Variants in KCNMA1 observed in about 807,000 individuals in gnomAD.
KCNMA1 encodes Calcium-activated potassium channel subunit alpha-1.
Under a neutral mutation model 140.0 loss-of-function variants are expected in KCNMA1, and 29 were observed. That is an observed-to-expected ratio of 0.21 (90% CI 0.15 to 0.28). The LOEUF (loss-of-function observed/expected upper bound fraction) is 0.28, where lower values mean the gene tolerates loss of function less well. KCNMA1 is among the 10% of genes least tolerant of loss of function. The pLI is 1.00. For missense variants in KCNMA1, 880 were observed against 1,602.2 expected (o/e 0.55, Z 7.70); for synonymous variants, 612 against 611.9 (o/e 1.00, Z 0.00).
intron 2 of KCNMA1, among the ~76,000 whole-genome samples, chr10:77,382,980 GTGTGTGTGTGTGTGTATATATATATATA>G (rs2095465292): frequency 1.4e-5 from 1 of 73,002 alleles, no homozygotes; most frequent in Non-Finnish European, 2.3e-5. Context: ...GTGTGTGTGT[GTGTGTGTGTGTGTGTATATATATATATA>G]TATATATATA....
intron 1 of KCNMA1, among the ~76,000 whole-genome samples, chr10:77,597,393 G>GATA (rs778293685): frequency 3.9e-5 from 6 of 152,136 alleles, no homozygotes; most frequent in Non-Finnish European, 7.4e-5. Context: ...ACATAGAAAT[G>GATA]ATAAATACTC....
intron 2 of KCNMA1, among the ~76,000 whole-genome samples, chr10:77,328,358 G>A (rs2085009970): frequency 6.6e-6 from 1 of 152,178 alleles, no homozygotes; most frequent in African/African-American, 2.4e-5. Context: ...CAGAGGGCCA[G>A]TACTGTCAAG....
chr10:77,239,696 C>T (rs1462086709), intron 3 of KCNMA1, among the ~76,000 whole-genome samples: 3 of 152,182 alleles, frequency 2.0e-5, no homozygotes, highest in Non-Finnish European at 4.4e-5. Flanking sequence ...TCAGACGCTA[C>T]CTATCACTAA....
intron 18 of KCNMA1, among the ~76,000 whole-genome samples, chr10:77,009,123 G>C (rs755685665): frequency 7.2e-5 from 11 of 152,270 alleles, no homozygotes; most frequent in Non-Finnish European, 1.5e-4. Flanking sequence ...GCTGAGGTTG[G>C]GGGAGGAGGC....
intron 5 of KCNMA1, among the ~76,000 whole-genome samples, chr10:77,160,285 A>T (rs1266927482): frequency 1.3e-5 from 2 of 152,024 alleles, no homozygotes; most frequent in Non-Finnish European, 2.9e-5. Context: ...AAGGATGCAA[A>T]TTCCTCCCCC....
rs139765077 is a variant in KCNMA1 at position 77,464,580 on chromosome 10, A to G, written c.379-60557T>C. 1.5e-3 allele frequency among the ~76,000 whole-genome samples: 228 copies of G among 152,244 alleles called. 2 individuals carry two copies. Among genetic ancestry groups the G allele is most frequent in the African/African-American group, 5.4e-3 (223 of 41,532 alleles). ...TCTGGTGTTACCCATTGCCTTTGGG[A>G]CATTCAATATCACTACTGCACTTGA... On this transcript the variant is annotated intron_variant, in intron 1 of 27. Transcript: ENST00000286628.
rs1157644845 is a variant in KCNMA1, at chr10:77,001,422, T to G, written c.2251A>C (p.Thr751Pro). 2 of 1,551,646 alleles carry G rather than the reference T, an allele frequency of 1.3e-6. No individual in the cohort carries two copies. Among genetic ancestry groups the G allele is most frequent in the Admixed American group, 3.9e-5 (2 of 51,004 alleles). ...TTAAACTTACAGGCACGGAAACTGG[T>G]GGAGCAATCATTAACAGAGACAGAA... ...LSSVSVNDCS[T>P]SFRAFEDEQP... Residue 751 changes from threonine to proline, a missense_variant, in exon 19 of 28, where the codon ACC becomes CCC. Around this residue, in one of 13 missense-constraint regions of KCNMA1, gnomAD observed 196 missense variants for 233.0 expected, o/e 0.84. Coordinates refer to ENST00000286628, the MANE Select transcript of KCNMA1 (RefSeq NM_001161352.2).
At chr10:77,576,652 CA>C (rs2074223563) in intron 1 of KCNMA1, among the ~76,000 whole-genome samples, 1 of 152,190 alleles carries the variant, frequency 6.6e-6, no homozygotes, top group African/African-American at 2.4e-5. Flanking sequence ...CAAGAAAGCT[CA>C]CCATGGGATT....
intron 3 of KCNMA1, among the ~76,000 whole-genome samples, chr10:77,199,377 G>A (rs181538587): frequency 6.6e-6 from 1 of 152,222 alleles, no homozygotes; most frequent in East Asian, 1.9e-4. Flanking sequence ...TTTAATTTCT[G>A]GCAGCAGATA....
rs571405121 is a variant in KCNMA1 at position 76,999,990 on chromosome 10, T to G, written c.2266+1417A>C. ...CCCTGAGCCCTAGAGGCCTCATGGA[T>G]CCCGGCTACACAGCCGCACTCTGCT... On this transcript the variant is annotated intron_variant, in intron 19 of 27. Coordinates refer to ENST00000286628, the MANE Select transcript of KCNMA1 (RefSeq NM_001161352.2). 2.6e-4 allele frequency among the ~76,000 whole-genome samples: 39 copies of G among 152,246 alleles called. 2 individuals are homozygous for G. Among genetic ancestry groups the G allele is most frequent in the African/African-American group, 8.9e-4 (37 of 41,542 alleles).
chr10:77,342,780 G>A (rs756586944), intron 2 of KCNMA1, among the ~76,000 whole-genome samples: 4 of 152,186 alleles, frequency 2.6e-5, no homozygotes, highest in Admixed American at 2.0e-4. Context: ...ACTGTGATTG[G>A]GCCCATCACG....
At chr10:77,055,112 G>C (rs148023750) in intron 14 of KCNMA1, among the ~76,000 whole-genome samples, 2,590 of 152,272 alleles carry the variant, frequency 0.017, 74 homozygotes, top group African/African-American at 0.058. Flanking sequence ...AGATATCTGA[G>C]TTACTGGTTC....
At chr10:77,152,083 T>G (rs10509381) in intron 5 of KCNMA1, among the ~76,000 whole-genome samples, 2,754 of 152,246 alleles carry the variant, frequency 0.018, 100 homozygotes, top group African/African-American at 0.064. Context: ...ACTAATTTAT[T>G]TTTGCCTATG....
intron 23 of KCNMA1, among the ~76,000 whole-genome samples, chr10:76,935,743 G>A (rs1275945434): frequency 1.3e-5 from 2 of 152,192 alleles, no homozygotes; most frequent in Non-Finnish European, 2.9e-5. Context: ...CCCAAAATCT[G>A]CTTTCTGTCT....
intron 19 of KCNMA1, among the ~76,000 whole-genome samples, chr10:76,976,036 G>T (rs545964528): frequency 1.3e-5 from 2 of 152,222 alleles, no homozygotes; most frequent in East Asian, 3.9e-4. Context: ...ACATTATTCT[G>T]GCAGGATAAT....
At chr10:77,021,811 C>A (rs536100483) in intron 16 of KCNMA1, among the ~76,000 whole-genome samples, 1 of 152,214 alleles carries the variant, frequency 6.6e-6, no homozygotes, top group South Asian at 2.1e-4. Flanking sequence ...GCTAAGGCAG[C>A]CTTCTGGGTG....
At chr10:77,062,135 ATGAAAAACAC>A (rs1241113834) in intron 14 of KCNMA1, among the ~76,000 whole-genome samples, 1 of 152,220 alleles carries the variant, frequency 6.6e-6, no homozygotes, top group Admixed American at 6.5e-5. Context: ...AAAAAATAAA[ATGAAAAACAC>A]TTCTGGAAAA....
intron 1 of KCNMA1, among the ~76,000 whole-genome samples, chr10:77,428,655 G>A (rs1388712189): frequency 6.6e-6 from 1 of 152,082 alleles, no homozygotes; most frequent in Admixed American, 6.5e-5. Flanking sequence ...GTCTCTGTGG[G>A]TCAGCCTGTA....
At chr10:77,295,355 A>G (rs1445097903) in intron 2 of KCNMA1, among the ~76,000 whole-genome samples, 4 of 150,684 alleles carry the variant, frequency 2.7e-5, no homozygotes, top group Non-Finnish European at 4.5e-5. Flanking sequence ...CTCAAAAAAA[A>G]AAAAGAGAGT....
Sources: gnomAD v4.1 joint callset for allele counts (sites outside exome capture counted in the v4.1 genomes callset) on GRCh38, gnomAD v4.1.1 for gene constraint, gnomAD v4.1.1 regional missense constraint, MANE v1.5 for transcripts, NCBI Gene and HGNC (gene_info 2026-07-23, HGNC 2026-07-21) for gene names.